Variants in FCGRT observed in about 807,000 individuals in gnomAD.
FCGRT encodes Fc gamma receptor and transporter.
FCGRT carries 13 observed loss-of-function variants against 35.7 expected under a neutral mutation model. The ratio of observed to expected loss-of-function variants is 0.36; its 90% CI spans 0.24 to 0.58. The LOEUF is 0.58. Ranked by LOEUF, FCGRT falls within the 20% of genes least tolerant of loss-of-function variation. FCGRT has a pLI of 0.77. For missense variants in FCGRT, 455 were observed against 474.9 expected (o/e 0.96, Z 0.39); for synonymous variants, 233 against 216.5 (o/e 1.08, Z -0.67).
intron 4 of FCGRT, among the ~76,000 whole-genome samples, chr19:49,517,983 G>A (rs934074996): frequency 2.0e-5 from 3 of 152,018 alleles, no homozygotes; most frequent in Middle Eastern, 3.2e-3. Flanking sequence ...AAGCCACCGC[G>A]CCTGGCCAAT....
intron 4 of FCGRT, 31 bp from the exon 5 acceptor site, chr19:49,524,476 G>C: frequency 2.5e-6 from 4 of 1,591,542 alleles, no homozygotes; most frequent in Non-Finnish European, 3.4e-6. Flanking sequence ...GTGGGCTCGC[G>C]ACTTAGGCCT....
At position 49,514,127 on chromosome 19, in the gene FCGRT, G is replaced by C; in HGVS notation, c.319G>C (p.Gly107Arg). 6.2e-7 allele frequency: 1 copy of C among 1,612,794 alleles called. No individual in the cohort carries two copies. ...TCTGGAAGCTTTCAAAGCTTTGGGG[G>C]GAAAAGGTGAGATTCCGGTCTGGAG... ...LFLEAFKALG[G>R]KGPYTLQGLL... Residue 107 changes from glycine (G) to arginine (R), a missense_variant, in exon 3 of 7, where the codon GGA becomes CGA. Gly to Arg is a moderately radical substitution (Grantham distance 125). Around this residue, in one of 3 missense-constraint regions of FCGRT, gnomAD observed 136 missense variants for 158.9 expected, o/e 0.86. Coordinates refer to ENST00000221466, the MANE Select transcript of FCGRT (RefSeq NM_001136019.3).
In FCGRT at chr19:49,518,830, C is replaced by T. The variant is rs149242186; in HGVS notation, c.601+4344C>T. ...GATTACAGGCGTGAGCCACCGCGCTCGGCCGTATTTTTGTTTTTTTCTTTT... is the reference window on the plus strand; with the variant it reads ...GATTACAGGCGTGAGCCACCGCGCTTGGCCGTATTTTTGTTTTTTTCTTTT... On this transcript the variant is annotated intron_variant, in intron 4 of 6. Coordinates refer to ENST00000221466, the MANE Select transcript of FCGRT (RefSeq NM_001136019.3). 2.1e-3 allele frequency among the ~76,000 whole-genome samples: 321 copies of T among 152,036 alleles called. 1 individual carries two copies. Among genetic ancestry groups the T allele is most frequent in the African/African-American group, 7.4e-3 (305 of 41,484 alleles).
chr19:49,523,069 G>A (rs1019723662), intron 4 of FCGRT, among the ~76,000 whole-genome samples: 6 of 151,872 alleles, frequency 4.0e-5, no homozygotes, highest in African/African-American at 9.7e-5. Flanking sequence ...GAGCCACCGC[G>A]CCTGGCCAAG....
chr19:49,516,191 C>T (rs1481420107), intron 4 of FCGRT: 1 of 450,374 alleles, frequency 2.2e-6, no homozygotes, highest in East Asian at 7.0e-5. Flanking sequence ...GAAGTTGAGA[C>T]TCAACCAGGT....
At chr19:49,521,561 G>A (rs1182536720) in intron 4 of FCGRT, 3 of 117,078 alleles carry the variant, frequency 2.6e-5, no homozygotes, top group Admixed American at 9.0e-5. Context: ...CAGAGACTCC[G>A]TCTCAAAAAA....
rs1321677477 is a variant in FCGRT at position 49,513,411 on chromosome 19, C to T, written c.11C>T (p.Pro4Leu). 16 of 1,245,120 alleles carry T rather than the reference C, an allele frequency of 1.3e-5. No homozygotes were observed. Among genetic ancestry groups the T allele is most frequent in the Admixed American group, 4.2e-5 (1 of 23,714 alleles). The allele number at this position is 1,245,120 out of a possible 1,614,324, so 77.1% of individuals were successfully genotyped here. Residue 4 changes from proline to leucine, a missense_variant, in exon 2 of 7, where the codon CCG (proline) becomes CTG (leucine). This residue lies in a region of FCGRT where 136 missense variants were observed against 158.9 expected (regional missense o/e 0.86). Transcript: ENST00000221466. ...GGTCGTCCTCTCAGCATGGGGGTCC[C>T]GCGGCCTCAGCCCTGGGCGCTGGGG... MGV[P>L]RPQPWALGLL...
chr19:49,517,761 C>T (rs533063421), intron 4 of FCGRT, among the ~76,000 whole-genome samples: 2 of 152,108 alleles, frequency 1.3e-5, no homozygotes, highest in Admixed American at 6.6e-5. Context: ...GGCTCAGTCT[C>T]GGCTCACTGC....
Position 49,518,888 on chromosome 19 carries a change from G to T in FCGRT, c.601+4402G>T, listed in dbSNP as rs540814748. 2.7e-5 allele frequency among the ~76,000 whole-genome samples: 4 copies of T among 150,316 alleles called. No homozygotes were observed. The South Asian group carries it at 8.4e-4, about 32-fold the overall frequency. ...GACGGAGTCTCGCTCTGTCACCCAG[G>T]CTGGGGTGCAGTGGCGCGATCTCAG... On this transcript the variant is annotated intron_variant, in intron 4 of 6. Transcript: ENST00000221466.
intron 4 of FCGRT, 50 bp downstream of exon 4, chr19:49,514,536 C>T (rs368673557): frequency 1.9e-4 from 284 of 1,482,238 alleles, no homozygotes; most frequent in Non-Finnish European, 2.5e-4. Flanking sequence ...TCCCGTCATG[C>T]CCACCTGCCT....
chr19:49,525,263 C>A (rs762347906), intron 5 of FCGRT, 194 bp from the exon 6 acceptor site: 1 of 596,146 alleles, frequency 1.7e-6, no homozygotes, highest in African/African-American at 1.8e-5. Flanking sequence ...CGCGGCCGCT[C>A]GTGCTGTAGC....
chr19:49,525,519 G>T lies in FCGRT; in HGVS notation c.934G>T (p.Ala312Ser). The change falls in exon 6 of 7, where the codon GCA (alanine) becomes TCA (serine). Residue 312 changes from alanine (A) to serine (S), a missense_variant. Physicochemically the swap from Ala to Ser is moderately conservative, Grantham distance 99. This residue lies in a region of FCGRT where 312 missense variants were observed against 296.1 expected (regional missense o/e 1.05). Coordinates refer to ENST00000221466, the MANE Select transcript of FCGRT (RefSeq NM_001136019.3). ...CGTCATCGGTGTCTTGCTACTCACG[G>T]CAGCGGCTGTAGGAGGAGCTCTGTT... ...GIVIGVLLLTAAAVGGALLWR... is the reference protein window; with the variant it reads ...GIVIGVLLLTSAAVGGALLWR... The T allele has an allele frequency of 6.2e-7, 1 of 1,613,886 alleles. No individual in the cohort carries two copies. Among genetic ancestry groups the T allele is most frequent in the African/African-American group, 1.3e-5 (1 of 75,036 alleles).
At chr19:49,520,020 A>G (rs142841518) in intron 4 of FCGRT, among the ~76,000 whole-genome samples, 8,289 of 147,206 alleles carry the variant, frequency 0.056, 313 homozygotes, top group Middle Eastern at 0.1. Flanking sequence ...TTTTGGAGAG[A>G]TGGGGTTTCA....
At chr19:49,525,648 G>T in intron 6 of FCGRT, 75 bp downstream of exon 6, 1 of 1,034,172 alleles carries the variant, frequency 9.7e-7, no homozygotes, top group Non-Finnish European at 1.5e-6. Context: ...GACCTGGGAG[G>T]ACAGAGACCC....
intron 4 of FCGRT, among the ~76,000 whole-genome samples, chr19:49,514,998 T>C (rs535700250): frequency 0.027 from 3,128 of 115,992 alleles, 114 homozygotes; most frequent in African/African-American, 0.11. Flanking sequence ...GGCTCCCCCC[T>C]TTTTTTTTTT....
intron 1 of FCGRT, 77 bp from the exon 2 acceptor site, chr19:49,513,310 C>G: frequency 1.5e-6 from 1 of 670,056 alleles, no homozygotes; most frequent in Admixed American, 4.4e-5. Flanking sequence ...GTCCTGGTCC[C>G]GGCCGTGCCC....
chr19:49,521,580 AAAAAG>A (rs1335327414), intron 4 of FCGRT: 1 of 151,690 alleles, frequency 6.6e-6, no homozygotes, highest in African/African-American at 2.4e-5. Context: ...AAAAAAAAAA[AAAAAG>A]GAAAAGAAAG....
At position 49,522,421 on chromosome 19, in the gene FCGRT, T is replaced by C. The variant is rs1042588015; in HGVS notation, c.602-2086T>C. 3.3e-5 allele frequency among the ~76,000 whole-genome samples: 5 copies of C among 151,590 alleles called. No individual in the cohort carries two copies. The East Asian group carries it at 7.7e-4, about 23-fold the overall frequency. ...AAGAGTTCTGAATCTTTTTTTAAAT[T>C]TTTTAAAATTTTTAATTTTTTATTT... On this transcript the variant is annotated intron_variant, in intron 4 of 6. Transcript: ENST00000221466.
chr19:49,524,219 G>A (rs1253514477), intron 4 of FCGRT, among the ~76,000 whole-genome samples: 1 of 151,898 alleles, frequency 6.6e-6, no homozygotes, highest in East Asian at 2.0e-4. Flanking sequence ...GTTGGCCAGT[G>A]TGGTCTCGAA....
Sources: allele counts gnomAD v4.1 joint callset (sites outside exome capture counted in the v4.1 genomes callset), GRCh38; gene constraint gnomAD v4.1.1; regional missense constraint gnomAD v4.1.1; transcripts MANE v1.5; gene names NCBI Gene and HGNC (gene_info 2026-07-23, HGNC 2026-07-21).